PPP1R8: variants seen among roughly 807,000 people sequenced by gnomAD.
PPP1R8 encodes protein phosphatase 1 regulatory subunit 8.
PPP1R8 carries 4 observed loss-of-function variants against 31.3 expected under a neutral mutation model. The ratio of observed to expected loss-of-function variants is 0.13; its 90% CI spans 0.06 to 0.29. The LOEUF (loss-of-function observed/expected upper bound fraction) is 0.29, where lower values mean the gene tolerates loss of function less well. Ranked by LOEUF, PPP1R8 falls within the 10% of genes least tolerant of loss-of-function variation. PPP1R8 has a pLI of 1.00. For missense variants in PPP1R8, 254 were observed against 440.1 expected, an observed-to-expected ratio of 0.58 and a Z score of 3.78; for synonymous variants, 170 against 169.7, an observed-to-expected ratio of 1.00 and a Z score of -0.01.
At position 27,831,446 on chromosome 1, in the gene PPP1R8, C is replaced by G. The variant is rs530583945; in HGVS notation, c.56+555C>G. 5.3e-6 allele frequency: 4 copies of G among 757,480 alleles called. No individual in the cohort carries two copies. In the East Asian group the frequency reaches 5.2e-4, roughly 98 times the overall value. The allele number at this position is 757,480 out of a possible 1,614,324, so 46.9% of individuals were successfully genotyped here. A position where few individuals can be genotyped will look rare whatever the true frequency, so the allele number is the denominator to read the frequency against. On this transcript the variant is annotated intron_variant, in intron 1 of 6. Coordinates refer to ENST00000311772, the MANE Select transcript of PPP1R8 (RefSeq NM_014110.5). ...GCATTAGTAATGGTTGGCATGAACC[C>G]TTTTTATCCCTTCGAAAGTTCTTGG...
At chr1:27,848,330 G>A (rs968815779) in intron 6 of PPP1R8, among the ~76,000 whole-genome samples, 9 of 151,456 alleles carry the variant, frequency 5.9e-5, no homozygotes, top group African/African-American at 1.5e-4. Flanking sequence ...GCGTGAACCC[G>A]GGGGGCAGAG....
intron 6 of PPP1R8, among the ~76,000 whole-genome samples, 178 bp downstream of exon 6, chr1:27,847,270 G>T (rs746418245): frequency 2.6e-5 from 4 of 152,164 alleles, no homozygotes; most frequent in Non-Finnish European, 5.9e-5. Context: ...ACTTTGGGAG[G>T]CCAAGGCAGG....
At position 27,841,035 on chromosome 1, in the gene PPP1R8, A is replaced by C. The variant is rs1457173684; in HGVS notation, c.293A>C (p.His98Pro). 6.2e-7 allele frequency: 1 copy of C among 1,614,056 alleles called. No homozygotes were observed. Among genetic ancestry groups the C allele is most frequent in the Non-Finnish European group, 8.5e-7 (1 of 1,180,046 alleles). The part of the protein sequence containing the change: ...LNSTHGTFLG[H>P]IRLEPHKPQQ... Reference sequence around the variant, plus strand: ...CCAGCACACGGCACTTTCTTGGGTCACATTCGGTTGGAACCTCACAAGCCT... The same window carrying C: ...CCAGCACACGGCACTTTCTTGGGTCCCATTCGGTTGGAACCTCACAAGCCT... Residue 98 changes from histidine (H) to proline (P), a missense_variant, in exon 4 of 7, where the codon CAC becomes CCC. Transcript: ENST00000311772.
At chr1:27,848,462 G>C (rs1189332282) in intron 6 of PPP1R8, among the ~76,000 whole-genome samples, 1 of 152,132 alleles carries the variant, frequency 6.6e-6, no homozygotes, top group Non-Finnish European at 1.5e-5. Flanking sequence ...TGCTCCGATC[G>C]TTCAGCATGT....
At chr1:27,847,816 C>T (rs2089300478) in intron 6 of PPP1R8, among the ~76,000 whole-genome samples, 1 of 152,170 alleles carries the variant, frequency 6.6e-6, no homozygotes, top group Non-Finnish European at 1.5e-5. Context: ...ATTTCTCATT[C>T]TGTGGAAATG....
In PPP1R8 at chr1:27,830,791, T is replaced by A. The variant is rs2089090931; in HGVS notation, c.-45T>A. On this transcript the variant is annotated 5_prime_UTR_variant, in exon 1 of 7. Transcript: ENST00000311772. ...CTTTTCCCTTCTCGGTCTTCCAGTT[T>A]CCCGGCGTGCTTAGGGCGCGCCAAA... 1 of 1,556,674 alleles carries A rather than the reference T, an allele frequency of 6.4e-7. No individual in the cohort carries two copies. The highest frequency in any genetic ancestry group is 1.9e-5 in the Admixed American group (1 of 51,626).
rs548037432 is a variant in PPP1R8, at chr1:27,847,399, C to T, written c.702+307C>T. On this transcript the variant is annotated intron_variant, in intron 6 of 6. Coordinates refer to ENST00000311772, the MANE Select transcript of PPP1R8 (RefSeq NM_014110.5). ...GTAGGTCTCTGTAATCCCAGCTACTCAGGAGGCTGAGGCAGGAGAATCGCT... is the reference window on the plus strand; with the variant it reads ...GTAGGTCTCTGTAATCCCAGCTACTTAGGAGGCTGAGGCAGGAGAATCGCT... Among the ~76,000 whole-genome samples, 23 of 151,330 alleles carry T rather than the reference C, an allele frequency of 1.5e-4. No homozygotes were observed. The South Asian group carries it at 4.6e-3, about 30-fold the overall frequency.
intron 6 of PPP1R8, among the ~76,000 whole-genome samples, chr1:27,847,351 AC>A (rs2089295312): frequency 6.6e-6 from 1 of 152,080 alleles, no homozygotes; most frequent in Non-Finnish European, 1.5e-5. Flanking sequence ...TACTAAAAAT[AC>A]AAAAATTAGC....
chr1:27,850,349 C>T lies in PPP1R8; in HGVS notation c.959C>T (p.Ala320Val). The part of the protein sequence containing the change: ...AVNMNPAPNP[A>V]VYNPEAVNEP... ...AACATGAACCCTGCACCAAACCCTG[C>T]AGTCTATAACCCTGAAGCTGTAAAT... is the stretch of plus-strand genomic sequence containing the variant. The change falls in exon 7 of 7, where the codon GCA becomes GTA. Residue 320 changes from alanine (A) to valine (V), a missense_variant. By Grantham distance (64) the Ala-to-Val change is moderately conservative. Coordinates refer to ENST00000311772, the MANE Select transcript of PPP1R8 (RefSeq NM_014110.5). 1.2e-6 allele frequency: 2 copies of T among 1,614,144 alleles called. No homozygotes were observed. The highest frequency in any genetic ancestry group is 1.7e-6 in the Non-Finnish European group (2 of 1,180,044).
chr1:27,845,783 CTTTTT>C (rs773994854), intron 5 of PPP1R8, among the ~76,000 whole-genome samples: 1 of 91,818 alleles, frequency 1.1e-5, no homozygotes, highest in African/African-American at 5.0e-5. Flanking sequence ...TTCTTTCTTT[CTTTTT>C]TTTTTTTTTT....
At chr1:27,847,155 G>A (rs1409591928) in intron 6 of PPP1R8, 63 bp downstream of exon 6, 23 of 1,513,862 alleles carry the variant, frequency 1.5e-5, no homozygotes, top group East Asian at 2.3e-5. Flanking sequence ...GGCCAGGCGC[G>A]TTGGCTTATG....
chr1:27,839,551 G>A (rs1346979023), intron 3 of PPP1R8, among the ~76,000 whole-genome samples: 1 of 152,014 alleles, frequency 6.6e-6, no homozygotes. Context: ...AAAGGAAAAA[G>A]GCACCCAGGA....
rs575201044 is a variant in PPP1R8, at chr1:27,844,987, C to T, written c.637+1657C>T. Among the ~76,000 whole-genome samples the T allele has an allele frequency of 1.9e-4, 26 of 140,330 alleles. 1 individual carries two copies. In the South Asian group the frequency reaches 5.8e-3, roughly 31 times the overall value. The allele number at this position is 140,330 out of a possible 152,430, so 92.1% of individuals were successfully genotyped here. On this transcript the variant is annotated intron_variant, in intron 5 of 6. Coordinates refer to ENST00000311772, the MANE Select transcript of PPP1R8 (RefSeq NM_014110.5). ...TGACCTCGTGATCCGCCCGCCTCGG[C>T]CTCCTAAAGTGCTGGGATTACAGGC...
At position 27,832,808 on chromosome 1, in the gene PPP1R8, C is replaced by G. The variant is rs765347622; in HGVS notation, c.109C>G (p.Leu37Val). The change falls in exon 2 of 7, where the codon CTA (leucine) becomes GTA (valine). Residue 37 changes from leucine (L) to valine (V), a missense_variant. Leu to Val is a conservative substitution (Grantham distance 32). This residue lies in a region of PPP1R8 where 52 missense variants were observed against 145.3 expected (regional missense o/e 0.36). Transcript: ENST00000311772. ...LHLDVVKGDK[L>V]IEKLIIDEKK... ...TCTGGATGTAGTCAAAGGAGACAAACTAATTGAGGTATGGAAATACATGTC... is the reference window on the plus strand; with the variant it reads ...TCTGGATGTAGTCAAAGGAGACAAAGTAATTGAGGTATGGAAATACATGTC... 6.2e-7 allele frequency: 1 copy of G among 1,608,350 alleles called. No individual in the cohort carries two copies. Among genetic ancestry groups the G allele is most frequent in the Non-Finnish European group, 8.5e-7 (1 of 1,176,812 alleles).
At chr1:27,836,473 T>C (rs1313103753) in intron 2 of PPP1R8, among the ~76,000 whole-genome samples, 24 of 152,138 alleles carry the variant, frequency 1.6e-4, no homozygotes, top group Non-Finnish European at 3.5e-4. Flanking sequence ...TGGAGTGCAG[T>C]GGCCGATCTC....
chr1:27,849,382 A>T (rs1288952120), intron 6 of PPP1R8, among the ~76,000 whole-genome samples: 1 of 152,116 alleles, frequency 6.6e-6, no homozygotes. Flanking sequence ...AAAAAAAAAA[A>T]AAAAAAAAAA....
intron 5 of PPP1R8, among the ~76,000 whole-genome samples, chr1:27,844,373 G>C (rs1490110640): frequency 6.6e-6 from 1 of 151,938 alleles, no homozygotes; most frequent in Admixed American, 6.6e-5. Context: ...CTGTCACCCA[G>C]GCTGGAGTGC....
chr1:27,845,315 A>C (rs12741213), intron 5 of PPP1R8, among the ~76,000 whole-genome samples: 1 of 150,504 alleles, frequency 6.6e-6, no homozygotes, highest in South Asian at 2.1e-4. Flanking sequence ...GCGTGAACCC[A>C]GGAGGCGGAG....
Position 27,851,405 on chromosome 1 carries a change from G to A in PPP1R8, c.*959G>A. On this transcript the variant is annotated 3_prime_UTR_variant, in exon 7 of 7. Coordinates refer to ENST00000311772, the MANE Select transcript of PPP1R8 (RefSeq NM_014110.5). ...CTAACAAACATAGGAGACAAAGTTA[G>A]GAAACATTGATACAAGCTTTGTACA... 2.7e-6 allele frequency: 1 copy of A among 370,894 alleles called. No homozygotes were observed. The highest frequency in any genetic ancestry group is 2.0e-5 in the South Asian group (1 of 50,388). 23.0% of individuals were successfully genotyped at this position (370,894 alleles called of 1,614,324 possible). A position where few individuals can be genotyped will look rare whatever the true frequency, so the allele number is the denominator to read the frequency against.
Sources: allele counts gnomAD v4.1 joint callset (sites outside exome capture counted in the v4.1 genomes callset), GRCh38; gene constraint gnomAD v4.1.1; regional missense constraint gnomAD v4.1.1; transcripts MANE v1.5; gene names NCBI Gene and HGNC (gene_info 2026-07-23, HGNC 2026-07-21).